IL7: variants seen among roughly 807,000 people sequenced by gnomAD.
IL7 encodes the protein interleukin-7.
Under a neutral mutation model 21.6 loss-of-function variants are expected in IL7, and 3 were observed. That is an observed-to-expected ratio of 0.14 (90% CI 0.06 to 0.36). The LOEUF (loss-of-function observed/expected upper bound fraction) is 0.36, where lower values mean the gene tolerates loss of function less well. IL7 is among the 10% of genes least tolerant of loss of function. The probability of loss-of-function intolerance (pLI) is 1.00; values close to 1 mark genes in which losing one functional copy is unlikely to be tolerated. For missense variants in IL7, 175 were observed against 200.2 expected, an observed-to-expected ratio of 0.87 and a Z score of 0.76; for synonymous variants, 62 against 68.1, an observed-to-expected ratio of 0.91 and a Z score of 0.44.
chr8:78,709,192 A>G (rs1810878329), intron 3 of IL7, among the ~76,000 whole-genome samples: 2 of 152,204 alleles, frequency 1.3e-5, no homozygotes, highest in South Asian at 4.1e-4. Flanking sequence ...TTTGGAGAGC[A>G]ACTGTAATAC....
intron 4 of IL7, among the ~76,000 whole-genome samples, chr8:78,736,832 T>G (rs542899021): frequency 4.2e-4 from 64 of 152,218 alleles, no homozygotes; most frequent in Non-Finnish European, 8.4e-4. Flanking sequence ...GTAGCAGAGA[T>G]AAAACTTGAA....
chr8:78,789,904 T>A (rs2130826730), intron 2 of IL7, among the ~76,000 whole-genome samples: 1 of 152,270 alleles, frequency 6.6e-6, no homozygotes, highest in Admixed American at 6.5e-5. Context: ...AGGCTAAATG[T>A]GATGGCAATT....
At chr8:78,764,495 T>C (rs1450393392) in intron 2 of IL7, among the ~76,000 whole-genome samples, 1 of 152,004 alleles carries the variant, frequency 6.6e-6, no homozygotes, top group Non-Finnish European at 1.5e-5. Flanking sequence ...AGTTGCAGGA[T>C]ACAAGAGAAA....
chr8:78,796,363 A>T (rs1813853716), intron 2 of IL7, among the ~76,000 whole-genome samples: 1 of 152,040 alleles, frequency 6.6e-6, no homozygotes, highest in Non-Finnish European at 1.5e-5. Context: ...CTAATAAAAT[A>T]TTTACAGGAT....
intron 3 of IL7, among the ~76,000 whole-genome samples, chr8:78,696,333 C>G (rs1028654243): frequency 6.6e-6 from 1 of 152,236 alleles, no homozygotes; most frequent in Non-Finnish European, 1.5e-5. Flanking sequence ...CGTGCCCAGC[C>G]CGTTAAAACC....
At position 78,760,281 on chromosome 8, in the gene IL7, C is replaced by A; in HGVS notation, c.148-20199G>T. 1.9e-6 allele frequency: 3 copies of A among 1,606,996 alleles called. No individual in the cohort carries two copies. In the South Asian group the frequency reaches 3.3e-5, roughly 18 times the overall value. ...GTTAAGCAAAGCCAAGTTACTTGAC[C>A]TTTGGTCTGTCAAAGTGTTCCTCAA... On this transcript the variant is annotated intron_variant, in intron 2 of 5. Coordinates refer to ENST00000263851, the MANE Select transcript of IL7 (RefSeq NM_000880.4).
intron 2 of IL7, among the ~76,000 whole-genome samples, chr8:78,790,140 T>G (rs1212765784): frequency 6.6e-6 from 1 of 152,150 alleles, no homozygotes; most frequent in Non-Finnish European, 1.5e-5. Flanking sequence ...GTCATTAGAT[T>G]TATAAGTTTA....
At chr8:78,727,715 A>G (rs1407365243) in intron 3 of IL7, among the ~76,000 whole-genome samples, 2 of 151,980 alleles carry the variant, frequency 1.3e-5, no homozygotes, top group African/African-American at 2.4e-5. Flanking sequence ...TATTATTTTT[A>G]TAATATAAAC....
rs572162255 is a variant in IL7, at chr8:78,774,517, G to A, written c.147+23555C>T. 4.1e-4 allele frequency among the ~76,000 whole-genome samples: 62 copies of A among 152,130 alleles called. 2 individuals carry two copies. The South Asian group carries it at 8.9e-3, about 22-fold the overall frequency. On this transcript the variant is annotated intron_variant, in intron 2 of 5. Coordinates refer to ENST00000263851, the MANE Select transcript of IL7 (RefSeq NM_000880.4). ...ATAAAAGCTCTGCATCTATAAAAAC[G>A]TGACTATATTAATTTCCCAGTCCTT...
chr8:78,700,041 A>T (rs960619506), intron 3 of IL7, among the ~76,000 whole-genome samples: 1 of 152,180 alleles, frequency 6.6e-6, no homozygotes, highest in Non-Finnish European at 1.5e-5. Flanking sequence ...GAATTGCCAC[A>T]CTGTCTTTCA....
chr8:78,702,970 C>A (rs149377470), intron 3 of IL7, among the ~76,000 whole-genome samples: 5 of 152,092 alleles, frequency 3.3e-5, no homozygotes, highest in African/African-American at 1.2e-4. Context: ...GATCTTGGCT[C>A]GCTGCAACCT....
At chr8:78,744,261 T>C (rs1586061916) in intron 2 of IL7, among the ~76,000 whole-genome samples, 1 of 149,808 alleles carries the variant, frequency 6.7e-6, no homozygotes, top group East Asian at 2.0e-4. Flanking sequence ...CAAATCTCTG[T>C]AGGCCAGAGA....
chr8:78,786,728 C>CA (rs1423979273), intron 2 of IL7, among the ~76,000 whole-genome samples: 1 of 152,184 alleles, frequency 6.6e-6, no homozygotes, highest in Non-Finnish European at 1.5e-5. Context: ...ATTCCTGACA[C>CA]ACAACCCATA....
chr8:78,717,980 A>G (rs1356925262), exon 7 of IL7: 1 of 152,272 alleles, frequency 6.6e-6, no homozygotes, highest in Non-Finnish European at 1.5e-5. Context: ...TTTAGTTACC[A>G]TTAGGTATGT....
intron 2 of IL7, among the ~76,000 whole-genome samples, chr8:78,782,408 G>A (rs1813365511): frequency 6.6e-6 from 1 of 152,108 alleles, no homozygotes; most frequent in East Asian, 1.9e-4. Flanking sequence ...GTGCCTTTTT[G>A]TTGATGCTGT....
intron 3 of IL7, among the ~76,000 whole-genome samples, chr8:78,711,062 G>A (rs1422858491): frequency 6.6e-6 from 1 of 152,064 alleles, no homozygotes; most frequent in South Asian, 2.1e-4. Context: ...ACACATAATA[G>A]ATGCTCATAA....
chr8:78,793,557 A>C (rs1813762936), intron 2 of IL7, among the ~76,000 whole-genome samples: 1 of 152,172 alleles, frequency 6.6e-6, no homozygotes, highest in Non-Finnish European at 1.5e-5. Flanking sequence ...GCTAACAATC[A>C]TCTGAGCCTT....
At chr8:78,794,730 A>C (rs1377603040) in intron 2 of IL7, among the ~76,000 whole-genome samples, 1 of 152,096 alleles carries the variant, frequency 6.6e-6, no homozygotes, top group Non-Finnish European at 1.5e-5. Flanking sequence ...CTTGTTTTAC[A>C]ACCAGTCTAT....
chr8:78,723,729 A>C (rs1811289685), intron 3 of IL7: 1 of 182,166 alleles, frequency 5.5e-6, no homozygotes, highest in Non-Finnish European at 1.3e-5. Flanking sequence ...CATGTAGTAC[A>C]TATGCAAATA....
Sources: gnomAD v4.1 joint callset for allele counts (sites outside exome capture counted in the v4.1 genomes callset) on GRCh38, gnomAD v4.1.1 for gene constraint, MANE v1.5 for transcripts, NCBI Gene and HGNC (gene_info 2026-07-23, HGNC 2026-07-21) for gene names.